CCDC102B: variants seen among roughly 807,000 people sequenced by gnomAD.
CCDC102B encodes the protein coiled-coil domain-containing protein 102B.
A neutral mutation model predicts 57.4 loss-of-function variants in CCDC102B; 75 were observed. The observed-to-expected ratio is 1.31, with a 90% CI of 1.08 to 1.58. The LOEUF (loss-of-function observed/expected upper bound fraction) is 1.58, where lower values mean the gene tolerates loss of function less well. Ranked by LOEUF, CCDC102B falls within the 40% of genes most tolerant of loss-of-function variation. The pLI is 0.00. For missense variants in CCDC102B, 636 were observed against 582.6 expected, an observed-to-expected ratio of 1.09 and a Z score of -0.94; for synonymous variants, 206 against 201.9, an observed-to-expected ratio of 1.02 and a Z score of -0.17.
At chr18:69,042,464 C>T (rs1331028451) in intron 7 of CCDC102B, among the ~76,000 whole-genome samples, 7 of 152,216 alleles carry the variant, frequency 4.6e-5, no homozygotes, top group African/African-American at 1.7e-4. Context: ...TTTAAAGCTA[C>T]CACCATGTCT....
chr18:68,859,783 A>G (rs962318490), intron 4 of CCDC102B, among the ~76,000 whole-genome samples: 4 of 61,086 alleles, frequency 6.5e-5, no homozygotes, highest in Admixed American at 5.8e-4. Flanking sequence ...AATGGCAATC[A>G]TTAAAAAGTC....
intron 4 of CCDC102B, among the ~76,000 whole-genome samples, chr18:68,854,794 C>T (rs542383597): frequency 2.6e-5 from 4 of 152,132 alleles, no homozygotes; most frequent in South Asian, 2.1e-4. Context: ...AGATAAAGAA[C>T]GCTTTAGGAC....
At chr18:68,798,237 G>A (rs562929626) in intron 1 of CCDC102B, 56 bp downstream of exon 1, 2 of 152,250 alleles carry the variant, frequency 1.3e-5, no homozygotes, top group East Asian at 3.9e-4. Flanking sequence ...TTTTCCTGCT[G>A]AGGTACAGCA....
At chr18:68,839,001 GGTC>G in intron 3 of CCDC102B, 75 bp downstream of exon 3, 1 of 1,172,552 alleles carries the variant, frequency 8.5e-7, no homozygotes, top group South Asian at 1.3e-5. Flanking sequence ...CAGATAGATT[GGTC>G]ATTTGATAAT....
At chr18:68,770,066 T>C (rs2034590430) in intron 2 of CCDC102B, among the ~76,000 whole-genome samples, 1 of 152,184 alleles carries the variant, frequency 6.6e-6, no homozygotes, top group Non-Finnish European at 1.5e-5. Flanking sequence ...AGAGACCATA[T>C]GAACTTTTCT....
intron 6 of CCDC102B, chr18:68,897,664 A>C (rs555664840): frequency 2.0e-5 from 29 of 1,428,740 alleles, no homozygotes; most frequent in Non-Finnish European, 2.6e-5. Context: ...AGATTTCCAA[A>C]AGGAAGAAGA....
intron 2 of CCDC102B, among the ~76,000 whole-genome samples, chr18:68,741,464 T>C (rs1396198645): frequency 6.6e-6 from 1 of 152,130 alleles, no homozygotes; most frequent in Non-Finnish European, 1.5e-5. Flanking sequence ...AGCTGAACCA[T>C]GGGGATCTAA....
At chr18:68,850,163 A>C (rs1019611936) in intron 4 of CCDC102B, among the ~76,000 whole-genome samples, 7 of 152,176 alleles carry the variant, frequency 4.6e-5, no homozygotes, top group African/African-American at 1.4e-4. Context: ...TTCTGCAGCA[A>C]GAGTCAATAT....
intron 1 of CCDC102B, among the ~76,000 whole-genome samples, chr18:68,832,682 A>ACG (rs2037197312): frequency 6.6e-6 from 1 of 151,670 alleles, no homozygotes; most frequent in Non-Finnish European, 1.5e-5. Context: ...ACAAAGGGCC[A>ACG]CTAAGGGATC....
intron 2 of CCDC102B, among the ~76,000 whole-genome samples, chr18:68,784,889 C>G (rs1019808411): frequency 6.6e-6 from 1 of 151,822 alleles, no homozygotes; most frequent in African/African-American, 2.4e-5. Context: ...AGGATAGTTA[C>G]GTATGTATAC....
intron 6 of CCDC102B, among the ~76,000 whole-genome samples, chr18:68,921,568 T>C (rs956293459): frequency 5.3e-5 from 8 of 152,164 alleles, no homozygotes; most frequent in African/African-American, 1.9e-4. Context: ...TCCTTAAATA[T>C]AGAAAATTAA....
chr18:69,022,548 T>C (rs1186902322), intron 7 of CCDC102B, among the ~76,000 whole-genome samples: 1 of 152,052 alleles, frequency 6.6e-6, no homozygotes, highest in African/African-American at 2.4e-5. Context: ...TTTCCTTCTT[T>C]TTTACCTCCT....
chr18:68,772,110 A>G (rs1187715059), intron 2 of CCDC102B, among the ~76,000 whole-genome samples: 2 of 152,196 alleles, frequency 1.3e-5, no homozygotes, highest in Non-Finnish European at 2.9e-5. Context: ...AGCAGCATCA[A>G]ATTCTTCTCC....
At chr18:68,976,308 A>C (rs1338971583) in intron 6 of CCDC102B, among the ~76,000 whole-genome samples, 1 of 152,022 alleles carries the variant, frequency 6.6e-6, no homozygotes, top group Non-Finnish European at 1.5e-5. Flanking sequence ...AAAACAGCTC[A>C]TAGTGTTCTT....
chr18:68,899,414 A>G (rs2040358104), intron 6 of CCDC102B, among the ~76,000 whole-genome samples: 1 of 151,660 alleles, frequency 6.6e-6, no homozygotes, highest in African/African-American at 2.4e-5. Flanking sequence ...CCATAGATGA[A>G]TACCATGGTG....
chr18:69,056,536 A>T (rs2052817689), downstream of CCDC102B, among the ~76,000 whole-genome samples: 1 of 151,954 alleles, frequency 6.6e-6, no homozygotes, highest in Admixed American at 6.6e-5. Context: ...TTTTTGCAGA[A>T]TAAATGACCT....
intron 6 of CCDC102B, among the ~76,000 whole-genome samples, chr18:68,913,332 G>GTGTGTGTGTGTA (rs1460130125): frequency 1.3e-4 from 19 of 151,620 alleles, no homozygotes; most frequent in African/African-American, 4.4e-4. Flanking sequence ...GTGTGTGTGT[G>GTGTGTGTGTGTA]TGTGTGTGTG....
At chr18:68,781,425 A>T (rs1217917176) in intron 2 of CCDC102B, among the ~76,000 whole-genome samples, 1 of 152,106 alleles carries the variant, frequency 6.6e-6, no homozygotes, top group Admixed American at 6.6e-5. Context: ...TTATTTTCCA[A>T]AGTGCTCCTT....
chr18:68,829,094 T>TCTCC (rs2037036502), intron 1 of CCDC102B, among the ~76,000 whole-genome samples: 1 of 151,956 alleles, frequency 6.6e-6, no homozygotes, highest in Non-Finnish European at 1.5e-5. Flanking sequence ...ACCAGAAATT[T>TCTCC]TGCAATTTGG....
Sources: gnomAD v4.1 joint callset for allele counts (sites outside exome capture counted in the v4.1 genomes callset) on GRCh38, gnomAD v4.1.1 for gene constraint, MANE v1.5 for transcripts, NCBI Gene and HGNC (gene_info 2026-07-23, HGNC 2026-07-21) for gene names.